The following OPA1 variants were observed in gnomAD, a reference collection of about 807,000 sequenced individuals.
OPA1 encodes the protein dynamin-like GTPase OPA1, mitochondrial.
OPA1 carries 59 observed loss-of-function variants against 152.9 expected under a neutral mutation model. The observed-to-expected ratio is 0.39, with a 90% CI of 0.31 to 0.48. The LOEUF is 0.48. OPA1 is among the 20% of genes least tolerant of loss of function. OPA1 has a pLI of 0.96. For missense variants in OPA1, 1,008 were observed against 1,216.8 expected (o/e 0.83, Z 2.55); for synonymous variants, 400 against 389.9 (o/e 1.03, Z -0.31).
At chr3:193,657,361 G>A in intron 23 of OPA1, 129 bp downstream of exon 23, 1 of 918,796 alleles carries the variant, frequency 1.1e-6, no homozygotes, top group Non-Finnish European at 1.7e-6. Flanking sequence ...TAAAGAAACA[G>A]ATTTATGATC....
In OPA1 at chr3:193,668,034, G is replaced by A. The variant is rs116693316; in HGVS notation, c.2983+754G>A. 4.4e-3 allele frequency among the ~76,000 whole-genome samples: 664 copies of A among 152,258 alleles called. 8 individuals carry two copies. Among genetic ancestry groups the A allele is most frequent in the African/African-American group, 0.015 (617 of 41,560 alleles). On this transcript the variant is annotated intron_variant, in intron 29 of 30. Transcript: ENST00000361510. ...CAGTGGAAAGAGCTAGGAACTAAGT[G>A]TTGTGAATGTTTGTGTGTGTGCAGG... is the stretch of plus-strand genomic sequence containing the variant.
chr3:193,679,042 ACAC>A (rs1719676581), intron 29 of OPA1, among the ~76,000 whole-genome samples: 2 of 152,244 alleles, frequency 1.3e-5, no homozygotes, highest in South Asian at 4.1e-4. Context: ...AGAAAACCAA[ACAC>A]CACATGTTCT....
chr3:193,688,444 CTTTTCTTTTTTTTT>C (rs1721221688), intron 29 of OPA1, among the ~76,000 whole-genome samples: 1 of 38,520 alleles, frequency 2.6e-5, no homozygotes, highest in African/African-American at 6.9e-5. Context: ...TGAAATGGGT[CTTTTCTTTTTTTTT>C]TTTTTTTTTT....
intron 29 of OPA1, among the ~76,000 whole-genome samples, chr3:193,681,443 G>A (rs1387188450): frequency 6.6e-6 from 1 of 152,178 alleles, no homozygotes; most frequent in Non-Finnish European, 1.5e-5. Context: ...AAAAATTTGG[G>A]TTGAAAGAAA....
intron 22 of OPA1, 66 bp from the exon 23 acceptor site, chr3:193,657,014 A>AT: frequency 7.1e-7 from 1 of 1,400,194 alleles, no homozygotes; most frequent in Non-Finnish European, 9.8e-7. Flanking sequence ...AGCTCGTGTT[A>AT]TTTTTCATGT....
intron 1 of OPA1, among the ~76,000 whole-genome samples, chr3:193,613,585 G>T (rs570067095): frequency 0.027 from 3,962 of 147,098 alleles, 80 homozygotes; most frequent in Non-Finnish European, 0.041. Context: ...TTGTTTGTTT[G>T]TTTTTTTTTG....
intron 23 of OPA1, among the ~76,000 whole-genome samples, chr3:193,657,613 G>A (rs758438662): frequency 1.1e-4 from 17 of 152,134 alleles, no homozygotes; most frequent in African/African-American, 3.1e-4. Flanking sequence ...AATGTTAGAC[G>A]CCTAAAATCA....
At chr3:193,604,851 A>C (rs1726982838) in intron 1 of OPA1, among the ~76,000 whole-genome samples, 1 of 132,680 alleles carries the variant, frequency 7.5e-6, no homozygotes. Context: ...CAAGAGTGAA[A>C]CTCCATCTCA....
At position 193,593,331 on chromosome 3, in the gene OPA1, C is replaced by T; in HGVS notation, c.-47C>T. The T allele has an allele frequency of 6.5e-7, 1 of 1,533,702 alleles. No homozygotes were observed. Among genetic ancestry groups the T allele is most frequent in the Non-Finnish European group, 8.8e-7 (1 of 1,138,606 alleles). On this transcript the variant is annotated 5_prime_UTR_variant, in exon 1 of 31. Transcript: ENST00000361510. ...AGCCGGGCTGGGGCTCACACGGGGG[C>T]TCCCGCGTGGCCGTCTCGGCGCCTG...
chr3:193,652,299 T>C (rs562273236), intron 21 of OPA1, among the ~76,000 whole-genome samples: 21 of 152,188 alleles, frequency 1.4e-4, no homozygotes, highest in African/African-American at 5.1e-4. Context: ...GGAGAATCGC[T>C]TGAACCCAGG....
intron 29 of OPA1, among the ~76,000 whole-genome samples, chr3:193,676,534 T>A (rs1166691906): frequency 6.6e-6 from 1 of 152,184 alleles, no homozygotes; most frequent in Non-Finnish European, 1.5e-5. Context: ...TCAAGGAAAG[T>A]CCTCTCTGTT....
At chr3:193,656,010 G>A (rs1281804691) in intron 22 of OPA1, among the ~76,000 whole-genome samples, 1 of 152,014 alleles carries the variant, frequency 6.6e-6, no homozygotes, top group Non-Finnish European at 1.5e-5. Flanking sequence ...CCCTTTCTAA[G>A]AACTCCAGCA....
intron 29 of OPA1, among the ~76,000 whole-genome samples, chr3:193,673,983 G>C (rs571083927): frequency 6.6e-6 from 1 of 152,286 alleles, no homozygotes; most frequent in African/African-American, 2.4e-5. Flanking sequence ...CTCCCTACGC[G>C]AGGTGGCAAC....
chr3:193,694,380 C>T (rs911529893), intron 30 of OPA1, among the ~76,000 whole-genome samples: 2 of 152,148 alleles, frequency 1.3e-5, no homozygotes, highest in African/African-American at 4.8e-5. Context: ...CAGTCATACA[C>T]AGATTCTTCT....
At chr3:193,683,975 G>GT (rs1476885357) in intron 29 of OPA1, among the ~76,000 whole-genome samples, 1 of 152,136 alleles carries the variant, frequency 6.6e-6, no homozygotes, top group Non-Finnish European at 1.5e-5. Context: ...TTAGCCCTCA[G>GT]TTTCCTGGTG....
chr3:193,687,547 G>A (rs1009174358), intron 29 of OPA1, among the ~76,000 whole-genome samples: 7 of 152,100 alleles, frequency 4.6e-5, no homozygotes, highest in African/African-American at 7.2e-5. Context: ...ATCCATACAC[G>A]TATTTCTGAG....
intron 28 of OPA1, 35 bp downstream of exon 28, chr3:193,666,424 A>G (rs1316695948): frequency 1.4e-6 from 2 of 1,459,798 alleles, no homozygotes; most frequent in Non-Finnish European, 1.9e-6. Flanking sequence ...TTATTTTGAC[A>G]TTAAAAAATA....
chr3:193,612,719 C>T (rs1426635907), intron 1 of OPA1, among the ~76,000 whole-genome samples: 2 of 152,004 alleles, frequency 1.3e-5, no homozygotes, highest in Non-Finnish European at 2.9e-5. Flanking sequence ...AGCTGGAGTC[C>T]CTGAAGATGG....
At position 193,617,840 on chromosome 3, in the gene OPA1, G is replaced by T. The variant is rs765478201; in HGVS notation, c.610+3G>T. On this transcript the variant is annotated splice_donor_region_variant and intron_variant, in intron 5 of 30. Coordinates refer to ENST00000361510, the MANE Select transcript of OPA1 (RefSeq NM_130837.3). ...TTCTGACCTACTTCTCTTGTTAGGT[G>T]TGTAAACAGACATTTTTGCTGACCT... 9 of 1,608,048 alleles carry T rather than the reference G, an allele frequency of 5.6e-6. No individual in the cohort carries two copies. Among genetic ancestry groups the T allele is most frequent in the Non-Finnish European group, 7.7e-6 (9 of 1,174,742 alleles).
Sources: allele counts gnomAD v4.1 joint callset (sites outside exome capture counted in the v4.1 genomes callset), GRCh38; gene constraint gnomAD v4.1.1; transcripts MANE v1.5; gene names NCBI Gene and HGNC (gene_info 2026-07-23, HGNC 2026-07-21).